The following NCOA6 variants were observed in gnomAD, a reference collection of about 807,000 sequenced individuals.
The protein encoded by NCOA6 is nuclear receptor coactivator 6, also known as NRC RAP250.
NCOA6 carries 49 observed loss-of-function variants against 171.4 expected under a neutral mutation model. That is an observed-to-expected ratio of 0.29 (90% confidence interval 0.23 to 0.36). The LOEUF (loss-of-function observed/expected upper bound fraction) is 0.36. Ranked by LOEUF, NCOA6 falls within the 10% of genes least tolerant of loss-of-function variation. NCOA6 has a pLI of 1.00. For missense variants in NCOA6, 2,248 were observed against 2,554.5 expected (o/e 0.88, Z 2.59); for synonymous variants, 910 against 927.5 (o/e 0.98, Z 0.34).
Position 34,715,190 on chromosome 20 carries a change from A to G in NCOA6, c.*132T>C. 1 of 1,174,412 alleles carries G rather than the reference A, an allele frequency of 8.5e-7. No individual in the cohort carries two copies. The highest frequency in any genetic ancestry group is 1.5e-5 in the African/African-American group (1 of 66,252). The allele number at this position is 1,174,412 out of a possible 1,614,324, so 72.7% of individuals were successfully genotyped here. On this transcript the variant is annotated 3_prime_UTR_variant, in exon 15 of 15. Transcript: ENST00000359003. The stretch of plus-strand genomic sequence containing the variant: ...CATTGCACTTTATGAAACAGGTTGC[A>G]GGGACTAGGAAAAGGGCCACATTAT...
intron 1 of NCOA6, among the ~76,000 whole-genome samples, chr20:34,805,214 T>C (rs1043844868): frequency 3.3e-5 from 5 of 152,080 alleles, no homozygotes; most frequent in Non-Finnish European, 5.9e-5. Context: ...AATTTTCTTG[T>C]ATATTTTTAG....
At position 34,736,692 on chromosome 20, in the gene NCOA6, G is replaced by C. The variant is rs1600784518; in HGVS notation, c.5960C>G (p.Pro1987Arg). Residue 1987 changes from proline to arginine, a missense_variant and splice_region_variant, in exon 12 of 15, where the codon CCA becomes CGA. Physicochemically the swap from Pro to Arg is moderately radical, Grantham distance 103. Transcript: ENST00000359003. ...AGTTTTTCCAAAGTACGCCTTACCT[G>C]GTCTGGCAACAGAGGCCTGCAGTGC... ...TTALQASVAR[P>R]ELEVNAAIVS... The C allele has an allele frequency of 6.2e-7, 1 of 1,606,980 alleles. No individual in the cohort carries two copies.
intron 2 of NCOA6, among the ~76,000 whole-genome samples, chr20:34,786,160 T>G (rs2077672222): frequency 6.6e-6 from 1 of 152,208 alleles, no homozygotes. Context: ...CTGATGGTTG[T>G]TTGTATTTCT....
intron 7 of NCOA6, among the ~76,000 whole-genome samples, chr20:34,755,507 T>G (rs950350100): frequency 6.6e-6 from 1 of 152,212 alleles, no homozygotes; most frequent in Admixed American, 6.5e-5. Context: ...CTGACAGGTT[T>G]GGTACCAAAA....
Position 34,749,567 on chromosome 20 carries a change from G to T in NCOA6, c.2628C>A (p.Val876=), listed in dbSNP as rs141617912. 14 of 1,613,982 alleles carry T rather than the reference G, an allele frequency of 8.7e-6. No homozygotes were observed. The African/African-American group carries it at 1.6e-4, about 18-fold the overall frequency. ...GGCTCGTTAGCGTGACATCCTTATT[G>T]ACTGGGAAGCCTGGATTTTGACCAC... ...MSCGQNPGFP[V]NKDVTLTSPL... is the part of the protein sequence containing the mutation. The change falls in exon 9 of 15, where the codon GTC becomes GTA. Residue 876 remains valine (V), a synonymous_variant. Coordinates refer to ENST00000359003, the MANE Select transcript of NCOA6 (RefSeq NM_014071.5).
rs775373517 is a variant in NCOA6, at chr20:34,741,499, G to A, written c.4757C>T (p.Ser1586Phe). Residue 1586 changes from serine (S) to phenylalanine (F), a missense_variant, in exon 11 of 15, where the codon TCC becomes TTC. Ser to Phe is a radical substitution (Grantham distance 155). Coordinates refer to ENST00000359003, the MANE Select transcript of NCOA6 (RefSeq NM_014071.5). Reference sequence around the variant, plus strand: ...TGGGGGCAAGGGAGTGGAAATGGAGGAAGAGCTAACAGGTCTTGACATTAC... The same window carrying A: ...TGGGGGCAAGGGAGTGGAAATGGAGAAAGAGCTAACAGGTCTTGACATTAC... ...PPVMSRPVSS[S>F]SISTPLPPNQ... 14 of 1,614,086 alleles carry A rather than the reference G, an allele frequency of 8.7e-6. No individual in the cohort carries two copies. The highest frequency in any genetic ancestry group is 1.2e-5 in the Non-Finnish European group (14 of 1,180,052).
chr20:34,793,817 T>C (rs2077975308), intron 1 of NCOA6, among the ~76,000 whole-genome samples: 1 of 152,172 alleles, frequency 6.6e-6, no homozygotes, highest in Non-Finnish European at 1.5e-5. Context: ...TGCATAGGTA[T>C]GTGTATGTAT....
At chr20:34,746,667 C>T in intron 10 of NCOA6, 140 bp downstream of exon 10, 1 of 1,028,184 alleles carries the variant, frequency 9.7e-7, no homozygotes, top group Non-Finnish European at 1.3e-6. Flanking sequence ...GCAAAGCTTC[C>T]AAATACCAGA....
intron 11 of NCOA6, among the ~76,000 whole-genome samples, chr20:34,738,697 T>C (rs1257055468): frequency 2.0e-5 from 3 of 152,372 alleles, no homozygotes; most frequent in African/African-American, 4.8e-5. Flanking sequence ...TGTTGGCCAC[T>C]TGACAAATCT....
chr20:34,726,717 G>A (rs1175341561), intron 14 of NCOA6, among the ~76,000 whole-genome samples: 10 of 151,840 alleles, frequency 6.6e-5, no homozygotes, highest in African/African-American at 1.9e-4. Context: ...CCTGGGAGGC[G>A]GAGGTTACAG....
rs546356291 is a variant in NCOA6, at chr20:34,757,920, C to T, written c.828G>A (p.Gln276=). 97 of 1,604,196 alleles carry T rather than the reference C, an allele frequency of 6.0e-5. No homozygotes were observed. Among genetic ancestry groups the T allele is most frequent in the East Asian group, 2.7e-4 (12 of 44,442 alleles). Residue 276 remains glutamine, a synonymous_variant, in exon 7 of 15, where the codon CAG becomes CAA. Transcript: ENST00000359003. The part of the protein sequence containing the change: ...QQQQQQQQQQ[Q]QQQQQQQQQL... ...GTTGTTGCTGCTGTTGCTGTTGTTG[C>T]TGCTGCTGCTGCTGCTGCTGCTGTT...
At chr20:34,736,310 C>T (rs567298513) in intron 12 of NCOA6, among the ~76,000 whole-genome samples, 4 of 152,234 alleles carry the variant, frequency 2.6e-5, no homozygotes, top group South Asian at 2.1e-4. Context: ...TTACAAAGTG[C>T]GTTAATGCTT....
chr20:34,758,115 A>G lies in NCOA6; in HGVS notation c.644-11T>C. ...GTGGATCCATTGCATCTGTTTAAAG[A>G]TAGTCAACAAAGCAATAATTAACCT... On this transcript the variant is annotated splice_polypyrimidine_tract_variant and intron_variant, in intron 6 of 14. Coordinates refer to ENST00000359003, the MANE Select transcript of NCOA6 (RefSeq NM_014071.5). 1 of 1,591,648 alleles carries G rather than the reference A, an allele frequency of 6.3e-7. No individual in the cohort carries two copies.
chr20:34,751,146 G>A (rs954135728), intron 8 of NCOA6, among the ~76,000 whole-genome samples: 7 of 151,884 alleles, frequency 4.6e-5, no homozygotes, highest in Admixed American at 3.3e-4. Flanking sequence ...CGAGGCGGGT[G>A]GATCACGAGG....
intron 14 of NCOA6, among the ~76,000 whole-genome samples, chr20:34,725,405 G>C (rs1204339980): frequency 6.6e-6 from 1 of 152,226 alleles, no homozygotes; most frequent in Non-Finnish European, 1.5e-5. Flanking sequence ...GGACGTTAAG[G>C]AGAAGAGAGG....
intron 1 of NCOA6, among the ~76,000 whole-genome samples, chr20:34,814,806 G>A (rs1267522129): frequency 1.3e-5 from 2 of 152,150 alleles, no homozygotes; most frequent in Non-Finnish European, 2.9e-5. Flanking sequence ...TGGCCAGGCT[G>A]GTCACGAACT....
At chr20:34,756,110 T>G (rs1486275653) in intron 7 of NCOA6, among the ~76,000 whole-genome samples, 1 of 152,198 alleles carries the variant, frequency 6.6e-6, no homozygotes, top group African/African-American at 2.4e-5. Context: ...TTGTCCTTTC[T>G]TTAACAGTGA....
chr20:34,720,759 C>A (rs1168380353), intron 14 of NCOA6, among the ~76,000 whole-genome samples: 4 of 152,162 alleles, frequency 2.6e-5, no homozygotes, highest in Non-Finnish European at 4.4e-5. Context: ...CTGCATATGT[C>A]CCCACATTTG....
At chr20:34,717,405 G>A (rs1988743956) in intron 14 of NCOA6, among the ~76,000 whole-genome samples, 1 of 152,166 alleles carries the variant, frequency 6.6e-6, no homozygotes, top group African/African-American at 2.4e-5. Flanking sequence ...AGCCGAGATT[G>A]CGCCATTGCA....
Sources: gnomAD v4.1 joint callset for allele counts (sites outside exome capture counted in the v4.1 genomes callset) on GRCh38, gnomAD v4.1.1 for gene constraint, MANE v1.5 for transcripts, NCBI Gene and HGNC (gene_info 2026-07-23, HGNC 2026-07-21) for gene names.